KYNU: variants seen among roughly 807,000 people sequenced by gnomAD.
The protein encoded by KYNU is L-kynurenine hydrolase.
In KYNU, 54 loss-of-function variants were observed where a neutral mutation model predicts 59.2. That is an observed-to-expected ratio of 0.91 (90% CI 0.73 to 1.14). The LOEUF is 1.14. Ranked by LOEUF, KYNU falls within the 50% of genes most tolerant of loss-of-function variation. KYNU has a pLI of 0.00. For missense variants in KYNU, 567 were observed against 554.4 expected, an observed-to-expected ratio of 1.02 and a Z score of -0.23; for synonymous variants, 177 against 192.0, an observed-to-expected ratio of 0.92 and a Z score of 0.65.
chr2:143,025,039 T>C (rs973427572), intron 10 of KYNU, among the ~76,000 whole-genome samples: 2 of 152,118 alleles, frequency 1.3e-5, no homozygotes, highest in Non-Finnish European at 2.9e-5. Flanking sequence ...TCCTTTCTTT[T>C]ATGTGTTTTG....
At chr2:143,005,214 A>G (rs568885698) in intron 10 of KYNU, among the ~76,000 whole-genome samples, 1 of 152,310 alleles carries the variant, frequency 6.6e-6, no homozygotes, top group African/African-American at 2.4e-5. Context: ...TCACAGATGG[A>G]GAGATCAATC....
chr2:143,022,861 A>G (rs899025463), intron 10 of KYNU, among the ~76,000 whole-genome samples: 10 of 151,844 alleles, frequency 6.6e-5, no homozygotes, highest in Non-Finnish European at 1.3e-4. Flanking sequence ...TTCTTTTCAT[A>G]GCTTTACCTT....
At chr2:143,039,692 G>T (rs1219182504) in intron 12 of KYNU, among the ~76,000 whole-genome samples, 1 of 152,046 alleles carries the variant, frequency 6.6e-6, no homozygotes, top group Non-Finnish European at 1.5e-5. Context: ...TTTTACAGGT[G>T]TAAGTGTGCA....
chr2:142,890,882 A>T (rs1681689335), intron 2 of KYNU, among the ~76,000 whole-genome samples: 1 of 152,200 alleles, frequency 6.6e-6, no homozygotes, highest in African/African-American at 2.4e-5. Context: ...AGTTTTCATA[A>T]ACTCCTTGGT....
At chr2:142,923,141 A>C (rs1447220832) in intron 3 of KYNU, among the ~76,000 whole-genome samples, 1 of 152,238 alleles carries the variant, frequency 6.6e-6, no homozygotes, top group Non-Finnish European at 1.5e-5. Context: ...ATCAAATTTT[A>C]ACATAAGAAT....
intron 10 of KYNU, among the ~76,000 whole-genome samples, chr2:142,995,630 C>T (rs900625190): frequency 3.9e-5 from 6 of 152,026 alleles, no homozygotes; most frequent in African/African-American, 1.2e-4. Context: ...CATGCCAAGC[C>T]TTCTAATGGG....
intron 10 of KYNU, among the ~76,000 whole-genome samples, chr2:143,001,754 A>G (rs1349492631): frequency 1.3e-5 from 2 of 152,184 alleles, no homozygotes; most frequent in African/African-American, 4.8e-5. Flanking sequence ...TGAGTCACTC[A>G]ACCACTTTAA....
At chr2:143,023,584 T>C (rs1163793545) in intron 10 of KYNU, among the ~76,000 whole-genome samples, 8 of 151,856 alleles carry the variant, frequency 5.3e-5, no homozygotes, top group African/African-American at 1.9e-4. Flanking sequence ...TGAGTGTTGG[T>C]GTGGTATTGT....
chr2:142,953,727 CT>C (rs1238309391), intron 4 of KYNU, among the ~76,000 whole-genome samples: 2 of 152,190 alleles, frequency 1.3e-5, no homozygotes, highest in East Asian at 3.8e-4. Flanking sequence ...GTTCATCAAC[CT>C]TGTCTGTCAA....
chr2:143,016,915 G>A (rs935706189), intron 10 of KYNU, among the ~76,000 whole-genome samples: 3 of 151,924 alleles, frequency 2.0e-5, no homozygotes, highest in East Asian at 3.9e-4. Context: ...TTAGTAGTCC[G>A]CAGTGTCTGT....
At chr2:143,023,033 T>C (rs1342337774) in intron 10 of KYNU, among the ~76,000 whole-genome samples, 1 of 151,976 alleles carries the variant, frequency 6.6e-6, no homozygotes, top group Non-Finnish European at 1.5e-5. Flanking sequence ...TCATGTACTT[T>C]TATAACACTT....
At chr2:143,039,669 C>G (rs1686979485) in intron 12 of KYNU, among the ~76,000 whole-genome samples, 1 of 151,992 alleles carries the variant, frequency 6.6e-6, no homozygotes, top group African/African-American at 2.4e-5. Context: ...CAGACCAACT[C>G]AAAATTACAA....
chr2:143,026,937 C>G (rs944089653), intron 10 of KYNU, among the ~76,000 whole-genome samples: 2 of 152,204 alleles, frequency 1.3e-5, no homozygotes, highest in East Asian at 3.8e-4. Flanking sequence ...CCAGCTGTAT[C>G]CTGTCTACTG....
intron 10 of KYNU, among the ~76,000 whole-genome samples, chr2:143,006,106 G>T (rs423008): frequency 6.6e-6 from 1 of 152,012 alleles, no homozygotes; most frequent in South Asian, 2.1e-4. Context: ...CATGAGCAAC[G>T]CAGAAGACGG....
chr2:142,918,519 G>T lies in KYNU; in HGVS notation c.170-90G>T, dbSNP rs351700. The T allele has an allele frequency of 8.3e-3, 10,977 of 1,317,036 alleles. 565 individuals are homozygous for T. The Admixed American group carries it at 0.14, about 16-fold the overall frequency. 81.6% of individuals were successfully genotyped at this position (1,317,036 alleles called of 1,614,324 possible). ...ATTACTTTTTATCCTTCTTAGAGTT[G>T]ATTGTATTAATTATTTGTACTGGCT... On this transcript the variant is annotated intron_variant, in intron 2 of 13. Coordinates refer to ENST00000264170, the MANE Select transcript of KYNU (RefSeq NM_003937.3).
intron 4 of KYNU, chr2:142,947,364 G>A (rs973993498): frequency 3.7e-6 from 3 of 810,716 alleles, no homozygotes; most frequent in Non-Finnish European, 5.6e-6. Context: ...CAAGCTTACT[G>A]TACTGTGTCT....
chr2:142,946,266 T>C (rs992874643), intron 4 of KYNU, among the ~76,000 whole-genome samples: 1 of 151,800 alleles, frequency 6.6e-6, no homozygotes, highest in African/African-American at 2.4e-5. Context: ...GTATCATTGG[T>C]AAAAATGGGG....
intron 4 of KYNU, among the ~76,000 whole-genome samples, chr2:142,953,000 A>G (rs910843260): frequency 6.6e-6 from 1 of 152,136 alleles, no homozygotes; most frequent in East Asian, 1.9e-4. Flanking sequence ...AAGTTACTTT[A>G]GATAGTGTTT....
At chr2:142,885,672 T>A (rs1466607973) in intron 2 of KYNU, 136 bp downstream of exon 2, 2 of 816,686 alleles carry the variant, frequency 2.4e-6, no homozygotes, top group Non-Finnish European at 3.9e-6. Flanking sequence ...AAGCAGAAGA[T>A]CCCTGGTGCT....
Sources: gnomAD v4.1 joint callset for allele counts (sites outside exome capture counted in the v4.1 genomes callset) on GRCh38, gnomAD v4.1.1 for gene constraint, MANE v1.5 for transcripts, NCBI Gene and HGNC (gene_info 2026-07-23, HGNC 2026-07-21) for gene names.